The following KCND3 variants were observed in gnomAD, a reference collection of about 807,000 sequenced individuals.
KCND3 encodes the protein potassium voltage-gated channel subfamily D member 3.
Under a neutral mutation model 51.1 loss-of-function variants are expected in KCND3, and 9 were observed. That is an observed-to-expected ratio of 0.18 (90% CI 0.11 to 0.31). KCND3 has a LOEUF of 0.31. Among genes scored for constraint, KCND3 ranks in the 10% least tolerant of loss-of-function variants. The pLI is 1.00. For synonymous variants in KCND3, 349 were observed against 368.0 expected, an observed-to-expected ratio of 0.95 and a Z score of 0.59; for missense variants, 526 against 903.8, an observed-to-expected ratio of 0.58 and a Z score of 5.36.
At chr1:111,801,028 T>C (rs1286495793) in intron 2 of KCND3, among the ~76,000 whole-genome samples, 1 of 152,202 alleles carries the variant, frequency 6.6e-6, no homozygotes, top group Non-Finnish European at 1.5e-5. Context: ...CTCAGGCCTG[T>C]ACCCTGTTTC....
chr1:111,801,653 TC>T (rs1411345227), intron 2 of KCND3, among the ~76,000 whole-genome samples: 1 of 152,102 alleles, frequency 6.6e-6, no homozygotes, highest in African/African-American at 2.4e-5. Context: ...CCACCAGGTG[TC>T]CCCCACTCTT....
At chr1:111,919,330 C>T (rs554054889) in intron 2 of KCND3, among the ~76,000 whole-genome samples, 1 of 151,962 alleles carries the variant, frequency 6.6e-6, no homozygotes, top group South Asian at 2.1e-4. Flanking sequence ...GGTGGGCACA[C>T]AGCTGAGGTG....
intron 2 of KCND3, among the ~76,000 whole-genome samples, chr1:111,871,445 G>A (rs1477896480): frequency 6.6e-6 from 1 of 152,194 alleles, no homozygotes; most frequent in African/African-American, 2.4e-5. Context: ...GAGAGGCAAG[G>A]AGGAGTCAGC....
intron 2 of KCND3, chr1:111,909,196 T>G (rs1417605446): frequency 6.6e-6 from 1 of 151,990 alleles, no homozygotes; most frequent in East Asian, 1.9e-4. Context: ...TTGCATCCCA[T>G]TATGTTGTCA....
At chr1:111,852,826 C>T (rs1667884752) in intron 2 of KCND3, among the ~76,000 whole-genome samples, 1 of 152,206 alleles carries the variant, frequency 6.6e-6, no homozygotes, top group Admixed American at 6.5e-5. Flanking sequence ...CGCTCTCAGG[C>T]AGGTGGGCTT....
At chr1:111,796,633 G>A (rs922404020) in intron 2 of KCND3, among the ~76,000 whole-genome samples, 1 of 152,214 alleles carries the variant, frequency 6.6e-6, no homozygotes, top group African/African-American at 2.4e-5. Context: ...ATTGGAGGGT[G>A]GAGGAGGGAG....
intron 2 of KCND3, among the ~76,000 whole-genome samples, chr1:111,923,097 C>T (rs1176611009): frequency 6.6e-6 from 1 of 152,178 alleles, no homozygotes; most frequent in Admixed American, 6.5e-5. Flanking sequence ...TCTCAGTTTC[C>T]CAACCAGCAA....
At chr1:111,904,568 C>T (rs1670550168) in intron 2 of KCND3, among the ~76,000 whole-genome samples, 1 of 152,176 alleles carries the variant, frequency 6.6e-6, no homozygotes, top group Non-Finnish European at 1.5e-5. Flanking sequence ...AAGTCAGCCT[C>T]TTTCAAAGCT....
intron 2 of KCND3, among the ~76,000 whole-genome samples, chr1:111,884,178 G>A (rs1295102852): frequency 6.6e-6 from 1 of 152,164 alleles, no homozygotes; most frequent in Non-Finnish European, 1.5e-5. Flanking sequence ...TAGTCTCCTT[G>A]GGGATCCTGG....
chr1:111,967,276 A>G (rs1038304988), intron 2 of KCND3, among the ~76,000 whole-genome samples: 5 of 152,106 alleles, frequency 3.3e-5, no homozygotes, highest in Non-Finnish European at 7.4e-5. Flanking sequence ...CCAGCTCCAA[A>G]GGGAATAGCA....
intron 2 of KCND3, among the ~76,000 whole-genome samples, chr1:111,913,708 G>C (rs1671068425): frequency 6.6e-6 from 1 of 152,158 alleles, no homozygotes; most frequent in African/African-American, 2.4e-5. Context: ...AGGAGTTGGA[G>C]ACCAACCTGG....
rs57185932 is a variant in KCND3 at position 111,965,908 on chromosome 1, A to G, written c.1106+15713T>C. On this transcript the variant is annotated intron_variant, in intron 2 of 7. Coordinates refer to ENST00000302127, the MANE Select transcript of KCND3 (RefSeq NM_001378969.1). Reference sequence around the variant, plus strand: ...TGTCCACTGAGCCCCTCTGTGTGCCAGGCACTCTGCTGGGAGCTGGGTTCC... The same window carrying G: ...TGTCCACTGAGCCCCTCTGTGTGCCGGGCACTCTGCTGGGAGCTGGGTTCC... Among the ~76,000 whole-genome samples the G allele has an allele frequency of 4.2e-3, 635 of 152,266 alleles. 4 individuals are homozygous for G. The highest frequency in any genetic ancestry group is 0.014 in the African/African-American group (597 of 41,558).
At chr1:111,971,103 A>G (rs751877354) in intron 2 of KCND3, among the ~76,000 whole-genome samples, 25 of 152,180 alleles carry the variant, frequency 1.6e-4, no homozygotes, top group Non-Finnish European at 3.1e-4. Context: ...GTCACCCACG[A>G]AGGTAGTACC....
chr1:111,933,684 A>G (rs982747028), intron 2 of KCND3, among the ~76,000 whole-genome samples: 1 of 152,326 alleles, frequency 6.6e-6, no homozygotes, highest in South Asian at 2.1e-4. Context: ...CACCTTTCAA[A>G]GCTGATGGGT....
Position 111,804,724 on chromosome 1 carries a change from A to C in KCND3, c.1107-17618T>G, listed in dbSNP as rs374742573. On this transcript the variant is annotated intron_variant, in intron 2 of 7. Coordinates refer to ENST00000302127, the MANE Select transcript of KCND3 (RefSeq NM_001378969.1). ...TGTTAGTTTATTTAATTCTCCAAAC[A>C]ACCCCAGATAGGGAGATGGGTTCTA... is the stretch of plus-strand genomic sequence containing the variant. Among the ~76,000 whole-genome samples the C allele has an allele frequency of 1.2e-4, 19 of 152,368 alleles. 1 individual carries two copies. The East Asian group carries it at 3.3e-3, about 26-fold the overall frequency.
In KCND3 at chr1:111,775,837, CCTTCCTCTGG is replaced by C; in HGVS notation, c.*230_*239del. 1.7e-5 allele frequency: 3 copies of C among 172,118 alleles called. No individual in the cohort carries two copies. Among genetic ancestry groups the C allele is most frequent in the Admixed American group, 6.0e-5 (1 of 16,754 alleles). The allele number at this position is 172,118 out of a possible 1,614,324, so 10.7% of individuals were successfully genotyped here. ...ATCCCCGACCCCCCCACCCTCCCTCCCTTCCTCTGGCCCCAGTGAGATGCAGTATCACAGG... is the reference window on the plus strand; with the variant it reads ...ATCCCCGACCCCCCCACCCTCCCTCCCCCCAGTGAGATGCAGTATCACAGG... On this transcript the variant is annotated 3_prime_UTR_variant, in exon 8 of 8. Transcript: ENST00000302127.
chr1:111,862,050 G>A (rs1668359779), intron 2 of KCND3, among the ~76,000 whole-genome samples: 2 of 152,188 alleles, frequency 1.3e-5, no homozygotes, highest in Admixed American at 6.5e-5. Context: ...ATTTCCTTAT[G>A]GCCTGTAGGA....
At chr1:111,811,997 G>A (rs2813869) in intron 2 of KCND3, among the ~76,000 whole-genome samples, 57 of 152,298 alleles carry the variant, frequency 3.7e-4, no homozygotes, top group Non-Finnish European at 6.2e-4. Flanking sequence ...GTGCCACGCC[G>A]GGCACGTCAG....
In KCND3 at chr1:111,791,356, A is replaced by G. The variant is rs1173733759; in HGVS notation, c.1107-4250T>C. Among the ~76,000 whole-genome samples, 3 of 152,234 alleles carry G rather than the reference A, an allele frequency of 2.0e-5. No homozygotes were observed. In the East Asian group the frequency reaches 5.8e-4, roughly 29 times the overall value. Reference sequence around the variant, plus strand: ...AGATCAGTCTCTTTCAAAGAAGCCGATGCTGCAACAAGCAAAGCTCTGGAG... The same window carrying G: ...AGATCAGTCTCTTTCAAAGAAGCCGGTGCTGCAACAAGCAAAGCTCTGGAG... On this transcript the variant is annotated intron_variant, in intron 2 of 7. Coordinates refer to ENST00000302127, the MANE Select transcript of KCND3 (RefSeq NM_001378969.1).
Sources: gnomAD v4.1 joint callset for allele counts (sites outside exome capture counted in the v4.1 genomes callset) on GRCh38, gnomAD v4.1.1 for gene constraint, MANE v1.5 for transcripts, NCBI Gene and HGNC (gene_info 2026-07-23, HGNC 2026-07-21) for gene names.